The following TTC7B variants were observed in gnomAD, a reference collection of about 807,000 sequenced individuals.
TTC7B encodes tetratricopeptide repeat domain 7B.
In TTC7B, 28 loss-of-function variants were observed where a neutral mutation model predicts 106.8. That is an observed-to-expected ratio of 0.26 (90% CI 0.19 to 0.36). The LOEUF is 0.36. TTC7B is among the 10% of genes least tolerant of loss of function. The pLI is 1.00. For synonymous variants in TTC7B, 405 were observed against 430.6 expected (o/e 0.94, Z 0.74); for missense variants, 862 against 1,076.4 (o/e 0.80, Z 2.79).
rs1001273461 is a variant in TTC7B at position 90,800,124 on chromosome 14, G to A, written c.122-13796C>T. ...TGGGATTACAGGCGTGAGCCACCAC[G>A]CCCGGCCTGATCTAAGTTTTTAAAA... On this transcript the variant is annotated intron_variant, in intron 1 of 19. Coordinates refer to ENST00000328459, the MANE Select transcript of TTC7B (RefSeq NM_001010854.2). Among the ~76,000 whole-genome samples, 10 of 152,180 alleles carry A rather than the reference G, an allele frequency of 6.6e-5. 1 individual carries two copies. The South Asian group carries it at 8.3e-4, about 13-fold the overall frequency.
chr14:90,620,208 T>G (rs1566802336), intron 15 of TTC7B, among the ~76,000 whole-genome samples: 1 of 151,758 alleles, frequency 6.6e-6, no homozygotes, highest in East Asian at 2.0e-4. Flanking sequence ...AGGAATGTAG[T>G]CTCTGATCTA....
intron 3 of TTC7B, among the ~76,000 whole-genome samples, chr14:90,756,021 A>C (rs1321671003): frequency 6.6e-6 from 1 of 152,244 alleles, no homozygotes; most frequent in African/African-American, 2.4e-5. Flanking sequence ...CCACCGTTCA[A>C]AATCAAACAC....
chr14:90,631,047 G>T (rs1042182782), intron 15 of TTC7B, among the ~76,000 whole-genome samples: 10 of 152,152 alleles, frequency 6.6e-5, no homozygotes, highest in African/African-American at 2.2e-4. Flanking sequence ...TGTTAGCTAG[G>T]ATGGTCTCGA....
chr14:90,544,071 C>T (rs1889720415), intron 19 of TTC7B, among the ~76,000 whole-genome samples: 1 of 152,166 alleles, frequency 6.6e-6, no homozygotes, highest in Admixed American at 6.5e-5. Flanking sequence ...AGTGTGTGGC[C>T]CCTGTGGAGG....
At chr14:90,731,961 A>G (rs1889347200) in intron 4 of TTC7B, among the ~76,000 whole-genome samples, 1 of 152,194 alleles carries the variant, frequency 6.6e-6, no homozygotes, top group African/African-American at 2.4e-5. Flanking sequence ...TGCCATGATT[A>G]TTTTAAAGTA....
intron 8 of TTC7B, among the ~76,000 whole-genome samples, chr14:90,679,051 C>T (rs1886946263): frequency 1.3e-5 from 2 of 152,090 alleles, no homozygotes; most frequent in African/African-American, 2.4e-5. Context: ...TGTGGAGACT[C>T]GTTCACTTGA....
chr14:90,689,264 G>A (rs1382878341), intron 7 of TTC7B, among the ~76,000 whole-genome samples: 1 of 152,120 alleles, frequency 6.6e-6, no homozygotes, highest in South Asian at 2.1e-4. Context: ...ATAATAAATG[G>A]AAAGAAAATT....
intron 5 of TTC7B, among the ~76,000 whole-genome samples, chr14:90,727,381 C>T (rs1342992726): frequency 6.6e-6 from 1 of 152,204 alleles, no homozygotes; most frequent in East Asian, 1.9e-4. Flanking sequence ...CAAGGCACAT[C>T]CCCTGTGAGT....
At chr14:90,812,066 C>T (rs1008447318) in intron 1 of TTC7B, among the ~76,000 whole-genome samples, 3 of 152,154 alleles carry the variant, frequency 2.0e-5, no homozygotes, top group African/African-American at 7.2e-5. Context: ...CTGCAGGGAA[C>T]CAACCCCATT....
intron 3 of TTC7B, among the ~76,000 whole-genome samples, chr14:90,770,346 C>A (rs970353295): frequency 4.6e-5 from 7 of 152,116 alleles, no homozygotes; most frequent in African/African-American, 1.2e-4. Flanking sequence ...ACTTCAATAA[C>A]CCTCTCTTAA....
Position 90,619,671 on chromosome 14 carries a change from T to C in TTC7B, c.1752-1626A>G, listed in dbSNP as rs1893230997. Among the ~76,000 whole-genome samples, 3 of 152,178 alleles carry C rather than the reference T, an allele frequency of 2.0e-5. No homozygotes were observed. In the South Asian group the frequency reaches 6.2e-4, roughly 31 times the overall value. ...CTGTCAATGTCCTTGGAAGAAGCTG[T>C]CAAGGCAGGTGGTGTCTAACACTCT... On this transcript the variant is annotated intron_variant, in intron 15 of 19. Transcript: ENST00000328459.
In TTC7B at chr14:90,577,972, ATG is replaced by A; in HGVS notation, c.2310+132_2310+133del. The A allele has an allele frequency of 8.8e-7, 1 of 1,133,262 alleles. No individual in the cohort carries two copies. Among genetic ancestry groups the A allele is most frequent in the South Asian group, 1.5e-5 (1 of 67,016 alleles). 70.2% of individuals were successfully genotyped at this position (1,133,262 alleles called of 1,614,324 possible). A position where few individuals can be genotyped will look rare whatever the true frequency, so the allele number is the denominator to read the frequency against. On this transcript the variant is annotated intron_variant, in intron 19 of 19. Transcript: ENST00000328459. The surrounding 1 kb of genome is among the most constrained non-coding windows in gnomAD (Gnocchi z 5.0). Reference sequence around the variant, plus strand: ...AAACGGTGCCCTCTGGCTTCAGGCCATGTGACAGCCTGGCAAGCTAACTGCAT... The same window carrying A: ...AAACGGTGCCCTCTGGCTTCAGGCCATGACAGCCTGGCAAGCTAACTGCAT...
intron 4 of TTC7B, among the ~76,000 whole-genome samples, chr14:90,732,933 G>A (rs891170789): frequency 7.9e-5 from 12 of 152,032 alleles, no homozygotes; most frequent in African/African-American, 2.7e-4. Context: ...TGCCCTATTC[G>A]CCTGCCCACA....
rs1422156366 is a variant in TTC7B, at chr14:90,757,999, C to T, written c.446-13077G>A. 6.6e-6 allele frequency among the ~76,000 whole-genome samples: 1 copy of T among 152,068 alleles called. No homozygotes were observed. Among genetic ancestry groups the T allele is most frequent in the Non-Finnish European group, 1.5e-5 (1 of 68,022 alleles). ...ACGAGAGTCTCTATAAATATGGTCT[C>T]AGAAAACAATAAAGGGGCACATCGG... is the stretch of plus-strand genomic sequence containing the variant. On this transcript the variant is annotated intron_variant, in intron 3 of 19. Coordinates refer to ENST00000328459, the MANE Select transcript of TTC7B (RefSeq NM_001010854.2). This position sits in a 1 kb window ranked among gnomAD's most constrained non-coding sequence, Gnocchi z 4.1.
chr14:90,528,139 A>T lies in TTC7B; in HGVS notation c.*13229T>A, dbSNP rs1261831860. ...CCCGGTTACCCATACAAACCATGGA[A>T]ACAGGAATGGGTGACAGCCCCACGC... On this transcript the variant is annotated 3_prime_UTR_variant, in exon 20 of 20. Transcript: ENST00000328459. 2 of 152,268 alleles carry T rather than the reference A, an allele frequency of 1.3e-5. No homozygotes were observed. Among genetic ancestry groups the T allele is most frequent in the East Asian group, 3.9e-4 (2 of 5,144 alleles). The allele number at this position is 152,268 out of a possible 1,614,324, so 9.4% of individuals were successfully genotyped here.
intron 15 of TTC7B, among the ~76,000 whole-genome samples, chr14:90,635,240 T>C (rs972791636): frequency 3.9e-5 from 6 of 152,050 alleles, no homozygotes; most frequent in African/African-American, 1.5e-4. Context: ...GAAGAAGAGC[T>C]AAAAGAGAAT....
At chr14:90,653,023 C>T (rs770643379) in intron 12 of TTC7B, 125 bp from the exon 13 acceptor site, 89 of 973,322 alleles carry the variant, frequency 9.1e-5, no homozygotes, top group Non-Finnish European at 8.7e-5. Flanking sequence ...GCCTACGTGC[C>T]CAGTCCTGCA....
At chr14:90,618,096 C>T (rs746323368) in intron 15 of TTC7B, 51 bp from the exon 16 acceptor site, 11 of 1,386,410 alleles carry the variant, frequency 7.9e-6, no homozygotes, top group Non-Finnish European at 1.1e-5. Context: ...GCCACAGAGT[C>T]CCCATCCCAG....
chr14:90,542,141 A>G lies in TTC7B; in HGVS notation c.2311-552T>C, dbSNP rs368813061. On this transcript the variant is annotated intron_variant, in intron 19 of 19. Coordinates refer to ENST00000328459, the MANE Select transcript of TTC7B (RefSeq NM_001010854.2). ...TTTTTAGTAGAGACAGGGTTTCACC[A>G]TGTTAGCCAGGATGGTCTCGATCTC... Among the ~76,000 whole-genome samples, 24 of 152,150 alleles carry G rather than the reference A, an allele frequency of 1.6e-4. 1 individual carries two copies. The East Asian group carries it at 2.3e-3, about 15-fold the overall frequency.
Sources: allele counts gnomAD v4.1 joint callset (sites outside exome capture counted in the v4.1 genomes callset), GRCh38; gene constraint gnomAD v4.1.1; non-coding constraint Gnocchi (gnomAD v3.1); transcripts MANE v1.5; gene names NCBI Gene and HGNC (gene_info 2026-07-23, HGNC 2026-07-21).